TEAD1: variants seen among roughly 807,000 people sequenced by gnomAD.
The protein encoded by TEAD1 is transcriptional enhancer factor TEF-1.
In TEAD1, 9 loss-of-function variants were observed where a neutral mutation model predicts 54.9. The ratio of observed to expected loss-of-function variants is 0.16; its 90% CI spans 0.10 to 0.29. The LOEUF (loss-of-function observed/expected upper bound fraction) is 0.29. Among genes scored for constraint, TEAD1 ranks in the 10% least tolerant of loss-of-function variants. TEAD1 has a pLI of 1.00. For synonymous variants in TEAD1, 200 were observed against 187.8 expected (o/e 1.07, Z -0.53); for missense variants, 387 against 535.9 (o/e 0.72, Z 2.74).
intron 10 of TEAD1, chr11:12,922,845 A>G (rs1248693566): frequency 1.4e-5 from 2 of 146,044 alleles, no homozygotes; most frequent in African/African-American, 5.1e-5. Flanking sequence ...GGGAGAATCC[A>G]CTGAACCTGG....
At chr11:12,770,555 A>G (rs1203211856) in intron 3 of TEAD1, among the ~76,000 whole-genome samples, 1 of 152,216 alleles carries the variant, frequency 6.6e-6, no homozygotes, top group Non-Finnish European at 1.5e-5. Flanking sequence ...CCATTGCTAT[A>G]GGATGTGCGA....
chr11:12,793,970 G>A (rs915612625), intron 3 of TEAD1, among the ~76,000 whole-genome samples: 3 of 152,266 alleles, frequency 2.0e-5, no homozygotes, highest in African/African-American at 7.2e-5. Flanking sequence ...CACTAAAGTG[G>A]ATAATGGAAG....
At chr11:12,729,690 C>T (rs1173746832) in intron 2 of TEAD1, among the ~76,000 whole-genome samples, 2 of 152,166 alleles carry the variant, frequency 1.3e-5, no homozygotes, top group African/African-American at 4.8e-5. Flanking sequence ...GTGCTTGGGC[C>T]ATGGTGTAGA....
intron 10 of TEAD1, among the ~76,000 whole-genome samples, chr11:12,913,067 A>G (rs1174555256): frequency 7.9e-5 from 12 of 152,172 alleles, no homozygotes; most frequent in Admixed American, 7.9e-4. Flanking sequence ...CCTGAGAAGG[A>G]AAGAATTGAT....
chr11:12,700,142 G>T (rs139033396), intron 2 of TEAD1, among the ~76,000 whole-genome samples: 1 of 152,218 alleles, frequency 6.6e-6, no homozygotes, highest in African/African-American at 2.4e-5. Context: ...AAAGAACTTT[G>T]TACCTTTTTT....
In TEAD1 at chr11:12,738,877, G is replaced by A. The variant is rs547728170; in HGVS notation, c.-54-25302G>A. ...TAAAGACACACTCCAGTAAGACAAG[G>A]TTGCTGCCTTCATGGAGTTTGACAC... is the stretch of plus-strand genomic sequence containing the variant. On this transcript the variant is annotated intron_variant, in intron 2 of 12. Coordinates refer to ENST00000527636, the MANE Select transcript of TEAD1 (RefSeq NM_021961.6). Among the ~76,000 whole-genome samples the A allele has an allele frequency of 8.5e-5, 13 of 152,246 alleles. No individual in the cohort carries two copies. The South Asian group carries it at 2.7e-3, about 32-fold the overall frequency.
At chr11:12,908,429 C>T (rs1417998344) in intron 10 of TEAD1, among the ~76,000 whole-genome samples, 1 of 152,208 alleles carries the variant, frequency 6.6e-6, no homozygotes, top group Non-Finnish European at 1.5e-5. Flanking sequence ...GCCTCCTGAC[C>T]ACCCTAGTAT....
intron 2 of TEAD1, among the ~76,000 whole-genome samples, chr11:12,705,614 A>G (rs921299340): frequency 2.0e-5 from 3 of 152,222 alleles, no homozygotes; most frequent in African/African-American, 4.8e-5. Context: ...TGTGAACACA[A>G]TGGCAGGTAA....
chr11:12,781,852 T>G (rs1163613591), intron 3 of TEAD1, among the ~76,000 whole-genome samples: 1 of 146,692 alleles, frequency 6.8e-6, no homozygotes, highest in African/African-American at 2.5e-5. Context: ...TAGGGGTAGG[T>G]GTGTTGGCTC....
At chr11:12,675,236 C>T (rs1211873562) in intron 1 of TEAD1, among the ~76,000 whole-genome samples, 173 bp from the exon 2 acceptor site, 2 of 151,808 alleles carry the variant, frequency 1.3e-5, no homozygotes, top group African/African-American at 4.8e-5. Context: ...CGGGCAGAGC[C>T]GCCGCCTCGG....
Position 12,701,239 on chromosome 11 carries a change from A to C in TEAD1, c.-55+25678A>C, listed in dbSNP as rs1943695201. ...TTAGATTTTTTTTTTCTTTCTTTAA[A>C]TAAAGGCTTCCTCTGGTTATCAGCT... On this transcript the variant is annotated intron_variant, in intron 2 of 12. Coordinates refer to ENST00000527636, the MANE Select transcript of TEAD1 (RefSeq NM_021961.6). Among the ~76,000 whole-genome samples, 3 of 152,106 alleles carry C rather than the reference A, an allele frequency of 2.0e-5. No homozygotes were observed. In the South Asian group the frequency reaches 6.2e-4, roughly 32 times the overall value.
intron 3 of TEAD1, among the ~76,000 whole-genome samples, chr11:12,803,018 G>A (rs1323020600): frequency 3.3e-5 from 5 of 152,046 alleles, no homozygotes; most frequent in Admixed American, 2.0e-4. Context: ...GCAAGAAGCC[G>A]AGGAGACTTC....
intron 2 of TEAD1, among the ~76,000 whole-genome samples, chr11:12,731,601 T>C (rs955477181): frequency 2.0e-5 from 3 of 152,222 alleles, no homozygotes; most frequent in African/African-American, 7.2e-5. Flanking sequence ...TATTCCCGCT[T>C]ATCAGATATT....
Position 12,831,574 on chromosome 11 carries a change from A to AAC in TEAD1, c.203-30675_203-30674insCA, listed in dbSNP as rs377625338. Among the ~76,000 whole-genome samples the AAC allele has an allele frequency of 9.5e-4, 144 of 152,240 alleles. 1 individual carries two copies. Among genetic ancestry groups the AAC allele is most frequent in the African/African-American group, 3.3e-3 (139 of 41,534 alleles). The stretch of plus-strand genomic sequence containing the variant: ...TTTGTTTGTTTGTTTTACCAAAGGA[A>AAC]AATATTCCACCTGGCTGATATAGTG... On this transcript the variant is annotated intron_variant, in intron 3 of 12. Transcript: ENST00000527636.
At chr11:12,713,473 A>G (rs1013082469) in intron 2 of TEAD1, among the ~76,000 whole-genome samples, 2 of 152,208 alleles carry the variant, frequency 1.3e-5, no homozygotes, top group African/African-American at 4.8e-5. Flanking sequence ...TAAACATTGT[A>G]TTAGTTTGTT....
At chr11:12,759,462 G>A (rs899595317) in intron 2 of TEAD1, among the ~76,000 whole-genome samples, 1 of 150,880 alleles carries the variant, frequency 6.6e-6, no homozygotes, top group African/African-American at 2.5e-5. Flanking sequence ...TGTTTTTGGA[G>A]TTTATTGGAG....
intron 2 of TEAD1, among the ~76,000 whole-genome samples, chr11:12,729,502 G>A (rs144654773): frequency 2.0e-5 from 3 of 152,328 alleles, no homozygotes; most frequent in Non-Finnish European, 2.9e-5. Flanking sequence ...GGTGCTCAGC[G>A]TGCACTAGGG....
chr11:12,723,616 TC>T (rs1023011872), intron 2 of TEAD1, among the ~76,000 whole-genome samples: 1 of 152,114 alleles, frequency 6.6e-6, no homozygotes, highest in African/African-American at 2.4e-5. Context: ...CCCTCTACCA[TC>T]CCCCCATTTC....
At chr11:12,918,778 A>G (rs1234702411) in intron 10 of TEAD1, among the ~76,000 whole-genome samples, 1 of 152,190 alleles carries the variant, frequency 6.6e-6, no homozygotes, top group African/African-American at 2.4e-5. Context: ...AGATCGTGGC[A>G]TTTTTCATTC....
Sources: gnomAD v4.1 joint callset for allele counts (sites outside exome capture counted in the v4.1 genomes callset) on GRCh38, gnomAD v4.1.1 for gene constraint, MANE v1.5 for transcripts, NCBI Gene and HGNC (gene_info 2026-07-23, HGNC 2026-07-21) for gene names.